The following AXDND1 variants were observed in gnomAD, a reference collection of about 807,000 sequenced individuals.
AXDND1 encodes the protein axonemal dynein light chain domain-containing protein 1.
A neutral mutation model predicts 137.5 loss-of-function variants in AXDND1; 110 were observed. The observed-to-expected ratio is 0.80, with a 90% CI of 0.69 to 0.94. AXDND1 has a LOEUF of 0.94. Among genes scored for constraint, AXDND1 ranks in the 40% least tolerant of loss-of-function variants. AXDND1 has a pLI of 0.00. For missense variants in AXDND1, 1,191 were observed against 1,169.8 expected (o/e 1.02, Z -0.26); for synonymous variants, 414 against 399.7 (o/e 1.04, Z -0.43).
intron 11 of AXDND1, among the ~76,000 whole-genome samples, chr1:179,409,825 A>T (rs1653580100): frequency 6.6e-6 from 1 of 152,176 alleles, no homozygotes; most frequent in Non-Finnish European, 1.5e-5. Flanking sequence ...AAACAACAAA[A>T]AACGAAACAA....
At chr1:179,374,746 G>A (rs999412205) in intron 4 of AXDND1, among the ~76,000 whole-genome samples, 3 of 147,780 alleles carry the variant, frequency 2.0e-5, no homozygotes, top group Admixed American at 6.9e-5. Context: ...AATACTGCAT[G>A]TTCTCACTCA....
intron 25 of AXDND1, among the ~76,000 whole-genome samples, chr1:179,536,129 G>A (rs1671532830): frequency 6.6e-6 from 1 of 152,176 alleles, no homozygotes; most frequent in African/African-American, 2.4e-5. Context: ...TTAGCCCTTT[G>A]TCAGATGGAT....
intron 14 of AXDND1, 75 bp downstream of exon 14, chr1:179,430,681 T>C (rs991424137): frequency 6.8e-6 from 10 of 1,465,316 alleles, no homozygotes; most frequent in Non-Finnish European, 9.3e-6. Context: ...GTGTTCCTCC[T>C]TCTGTCTTTT....
chr1:179,528,276 C>G, intron 22 of AXDND1, 51 bp from the exon 23 acceptor site: 1 of 1,352,810 alleles, frequency 7.4e-7, no homozygotes, highest in Admixed American at 1.8e-5. Context: ...AGGAAACTTG[C>G]TGGGGTGCTA....
In AXDND1 at chr1:179,491,713, ACCAATACT is replaced by A; in HGVS notation, c.2271_2278del (p.Tyr758LeufsTer17). Reference sequence around the variant, plus strand: ...GCGATTGAACTGACAAGGAAGTTGTACCAATACTCCAGCTATTTGAGCAGGTGAAGCGG... The same window carrying A: ...GCGATTGAACTGACAAGGAAGTTGTACCAGCTATTTGAGCAGGTGAAGCGG... On this transcript the variant is annotated frameshift_variant, in exon 19 of 26. Coordinates refer to ENST00000367618, the MANE Select transcript of AXDND1 (RefSeq NM_144696.6). LOFTEE classifies it high-confidence loss of function. 1 of 1,574,528 alleles carries A rather than the reference ACCAATACT, an allele frequency of 6.4e-7. No individual in the cohort carries two copies. Among genetic ancestry groups the A allele is most frequent in the Non-Finnish European group, 8.6e-7 (1 of 1,163,094 alleles).
At chr1:179,505,758 T>A (rs1390938920) in intron 20 of AXDND1, among the ~76,000 whole-genome samples, 2 of 152,172 alleles carry the variant, frequency 1.3e-5, no homozygotes, top group African/African-American at 4.8e-5. Context: ...CCACTTTCCA[T>A]AACAGTCTAG....
At chr1:179,552,578 C>T in intron 25 of AXDND1, 1 of 1,601,358 alleles carries the variant, frequency 6.2e-7, no homozygotes. Flanking sequence ...AAAGGGCAGT[C>T]TGGGTGGGAG....
chr1:179,481,280 A>G (rs1665344943), intron 17 of AXDND1, among the ~76,000 whole-genome samples: 1 of 152,110 alleles, frequency 6.6e-6, no homozygotes, highest in Admixed American at 6.5e-5. Context: ...GATGGTTTCC[A>G]GCTTCATCCA....
Position 179,442,552 on chromosome 1 carries a change from G to A in AXDND1, c.1564-2418G>A, listed in dbSNP as rs1384545964. On this transcript the variant is annotated intron_variant, in intron 15 of 25. Coordinates refer to ENST00000367618, the MANE Select transcript of AXDND1 (RefSeq NM_144696.6). ...TGAGAACTAACCTGAGGACCATTTC[G>A]TTTCAACAAAATTTTAAGCAACTGT... Among the ~76,000 whole-genome samples the A allele has an allele frequency of 4.6e-5, 7 of 152,260 alleles. No homozygotes were observed. In the East Asian group the frequency reaches 5.8e-4, roughly 13 times the overall value.
intron 4 of AXDND1, among the ~76,000 whole-genome samples, chr1:179,377,806 A>G (rs1050377313): frequency 6.6e-6 from 1 of 152,176 alleles, no homozygotes; most frequent in Admixed American, 6.5e-5. Flanking sequence ...TTGCAGGACA[A>G]TTTTAGGAAG....
chr1:179,545,384 T>C (rs1489783717), intron 25 of AXDND1: 2 of 152,226 alleles, frequency 1.3e-5, no homozygotes, highest in Non-Finnish European at 2.9e-5. Flanking sequence ...CATTAAACTG[T>C]GTGAGGGATG....
chr1:179,466,417 G>A (rs529390720), intron 16 of AXDND1, among the ~76,000 whole-genome samples: 1 of 151,112 alleles, frequency 6.6e-6, no homozygotes, highest in African/African-American at 2.4e-5. Context: ...GAGCCACTGC[G>A]CTGGGCCTTA....
intron 17 of AXDND1, among the ~76,000 whole-genome samples, chr1:179,479,286 G>C (rs1349030616): frequency 4.0e-5 from 6 of 151,110 alleles, no homozygotes; most frequent in Admixed American, 4.0e-4. Context: ...AGGCCAGCCT[G>C]ACCAACATGG....
At chr1:179,412,310 G>A (rs138874421) in intron 12 of AXDND1, among the ~76,000 whole-genome samples, 224 of 152,164 alleles carry the variant, frequency 1.5e-3, no homozygotes, top group African/African-American at 5.2e-3. Context: ...CTGACAACTG[G>A]GACTTCTAGG....
intron 16 of AXDND1, among the ~76,000 whole-genome samples, chr1:179,460,532 C>A (rs1363195162): frequency 1.3e-5 from 2 of 152,170 alleles, no homozygotes; most frequent in African/African-American, 4.8e-5. Flanking sequence ...GTCTTTATAG[C>A]AGCATGATTT....
intron 16 of AXDND1, among the ~76,000 whole-genome samples, chr1:179,467,844 T>C (rs770480187): frequency 1.7e-4 from 26 of 152,192 alleles, no homozygotes; most frequent in Non-Finnish European, 2.8e-4. Flanking sequence ...TATATAACTT[T>C]GAGATGGGAA....
intron 15 of AXDND1, among the ~76,000 whole-genome samples, chr1:179,433,952 G>C (rs2125322988): frequency 8.4e-6 from 1 of 119,590 alleles, no homozygotes; most frequent in African/African-American, 3.2e-5. Context: ...ATTGACAGTG[G>C]GGTGTTAAAG....
In AXDND1 at chr1:179,427,190, CA is replaced by C. The variant is rs980324664; in HGVS notation, c.1231-2319del. 8.0e-5 allele frequency among the ~76,000 whole-genome samples: 12 copies of C among 150,218 alleles called. No individual in the cohort carries two copies. In the South Asian group the frequency reaches 1.1e-3, roughly 13 times the overall value. On this transcript the variant is annotated intron_variant, in intron 12 of 25. Coordinates refer to ENST00000367618, the MANE Select transcript of AXDND1 (RefSeq NM_144696.6). Reference sequence around the variant, plus strand: ...AAACAAAAACAAGAACAAAAACAAACAAAAAAAAACTATATATAGTTTAGTT... The same window carrying C: ...AAACAAAAACAAGAACAAAAACAAACAAAAAAAACTATATATAGTTTAGTT...
At chr1:179,417,255 C>A (rs1022658499) in intron 12 of AXDND1, among the ~76,000 whole-genome samples, 1 of 150,260 alleles carries the variant, frequency 6.7e-6, no homozygotes, top group Non-Finnish European at 1.5e-5. Flanking sequence ...ACTCCCTTAT[C>A]AGATAGATAG....
Sources: allele counts gnomAD v4.1 joint callset (sites outside exome capture counted in the v4.1 genomes callset), GRCh38; gene constraint gnomAD v4.1.1; transcripts MANE v1.5; gene names NCBI Gene and HGNC (gene_info 2026-07-23, HGNC 2026-07-21).